TRIOBP: variants seen among roughly 807,000 people sequenced by gnomAD.
TRIOBP encodes TRIO and F-actin-binding protein.
A neutral mutation model predicts 238.8 loss-of-function variants in TRIOBP; 169 were observed. The observed-to-expected ratio is 0.71, with a 90% CI of 0.62 to 0.80. The LOEUF (loss-of-function observed/expected upper bound fraction) is 0.80. Among genes scored for constraint, TRIOBP ranks in the 30% least tolerant of loss-of-function variants. TRIOBP has a pLI of 0.00. For synonymous variants in TRIOBP, 1,150 were observed against 1,274.4 expected (o/e 0.90, Z 2.08); for missense variants, 2,838 against 3,122.6 (o/e 0.91, Z 2.17).
At position 37,774,006 on chromosome 22, in the gene TRIOBP, T is replaced by A. The variant is rs888238520; in HGVS notation, c.*226T>A. 1 of 46,136 alleles carries A rather than the reference T, an allele frequency of 2.2e-5. No individual in the cohort carries two copies. Among genetic ancestry groups the A allele is most frequent in the Non-Finnish European group, 5.6e-5 (1 of 17,964 alleles). The allele number at this position is 46,136 out of a possible 1,614,324, so 2.9% of individuals were successfully genotyped here. A position where few individuals can be genotyped will look rare whatever the true frequency, so the allele number is the denominator to read the frequency against. ...CGGATACACACACACACACACACAC[T>A]GCATATCTGAGCGCGCCCCTCGCAC... On this transcript the variant is annotated 3_prime_UTR_variant, in exon 24 of 24. Coordinates refer to ENST00000644935, the MANE Select transcript of TRIOBP (RefSeq NM_001039141.3).
chr22:37,739,739 G>A (rs764717632), intron 10 of TRIOBP, among the ~76,000 whole-genome samples: 6 of 152,316 alleles, frequency 3.9e-5, no homozygotes, highest in East Asian at 1.9e-4. Flanking sequence ...GACACTGGTC[G>A]CTAAAGGCGC....
At chr22:37,755,074 G>C in intron 13 of TRIOBP, 27 bp from the exon 14 acceptor site, 1 of 1,611,444 alleles carries the variant, frequency 6.2e-7, no homozygotes, top group Non-Finnish European at 8.5e-7. Flanking sequence ...GGGCCCACAC[G>C]GACCATAGTG....
chr22:37,754,395 C>T (rs1601655914), intron 12 of TRIOBP, among the ~76,000 whole-genome samples: 1 of 106,956 alleles, frequency 9.3e-6, no homozygotes, highest in African/African-American at 3.7e-5. Context: ...GCCTGGGCAA[C>T]AAGAGCAAAA....
At chr22:37,704,256 G>A (rs1478911297) in intron 3 of TRIOBP, among the ~76,000 whole-genome samples, 4 of 152,114 alleles carry the variant, frequency 2.6e-5, no homozygotes, top group Non-Finnish European at 4.4e-5. Context: ...AGTGGGATGC[G>A]GCTATAGTCT....
At chr22:37,723,136 G>A in intron 6 of TRIOBP, 49 bp from the exon 7 acceptor site, 5 of 1,597,456 alleles carry the variant, frequency 3.1e-6, no homozygotes, top group Non-Finnish European at 4.3e-6. Flanking sequence ...GAATATGAGA[G>A]CTGCCTGGAC....
intron 17 of TRIOBP, among the ~76,000 whole-genome samples, chr22:37,763,993 G>A (rs779011003): frequency 4.6e-5 from 7 of 152,194 alleles, no homozygotes; most frequent in Admixed American, 1.3e-4. Flanking sequence ...AGGGGAAGTC[G>A]AGTCCTTCTC....
chr22:37,747,179 A>G (rs938044886), intron 11 of TRIOBP, among the ~76,000 whole-genome samples: 7 of 149,404 alleles, frequency 4.7e-5, no homozygotes, highest in African/African-American at 1.7e-4. Flanking sequence ...TCCCCACTTC[A>G]CAGCCAGATA....
intron 4 of TRIOBP, 118 bp downstream of exon 4, chr22:37,710,684 G>A (rs778205404): frequency 1.1e-4 from 161 of 1,403,912 alleles, no homozygotes; most frequent in East Asian, 6.3e-4. Context: ...CATGGGTCAC[G>A]TGGTCAGTCC....
At chr22:37,728,628 C>T (rs975681346) in intron 7 of TRIOBP, among the ~76,000 whole-genome samples, 1 of 152,150 alleles carries the variant, frequency 6.6e-6, no homozygotes, top group Non-Finnish European at 1.5e-5. Context: ...GTGTTCCATG[C>T]ACAGCCTCTC....
At chr22:37,754,787 C>G (rs1164350821) in intron 12 of TRIOBP, 90 bp from the exon 13 acceptor site, 2 of 1,344,858 alleles carry the variant, frequency 1.5e-6, no homozygotes, top group African/African-American at 1.4e-5. Flanking sequence ...CCTCCCCACC[C>G]CTCCTGTGTG....
chr22:37,732,719 A>G (rs562359581), intron 7 of TRIOBP, among the ~76,000 whole-genome samples: 2 of 152,342 alleles, frequency 1.3e-5, no homozygotes, highest in African/African-American at 4.8e-5. Context: ...AATTTACAAT[A>G]TGGACAGGAA....
chr22:37,701,663 A>G (rs565306968), intron 3 of TRIOBP, among the ~76,000 whole-genome samples, 184 bp downstream of exon 3: 30 of 152,294 alleles, frequency 2.0e-4, no homozygotes, highest in African/African-American at 7.2e-4. Flanking sequence ...ATCTTCAGTC[A>G]CTTTCCTCCT....
rs765867142 is a variant in TRIOBP, at chr22:37,726,423, C to T, written c.3867C>T (p.Pro1289=). The T allele has an allele frequency of 2.9e-5, 46 of 1,587,662 alleles. No homozygotes were observed. Among genetic ancestry groups the T allele is most frequent in the Admixed American group, 2.3e-4 (13 of 56,222 alleles). ...GGCTGGCCCAGAGACAGCCAGGGCC[C>T]CAGGCGCAGTGCAGCAGCGGGGGCC... ...PRRLAQRQPG[P]QAQCSSGGRT... The change falls in exon 7 of 24, where the codon CCC becomes CCT. Residue 1289 remains proline, a synonymous_variant. Coordinates refer to ENST00000644935, the MANE Select transcript of TRIOBP (RefSeq NM_001039141.3).
At chr22:37,714,848 A>T (rs1222836784) in intron 5 of TRIOBP, among the ~76,000 whole-genome samples, 2 of 151,382 alleles carry the variant, frequency 1.3e-5, no homozygotes, top group Non-Finnish European at 2.9e-5. Flanking sequence ...AGTTATTATT[A>T]TTTTTTTTAA....
intron 12 of TRIOBP, among the ~76,000 whole-genome samples, chr22:37,752,928 C>A (rs1206358542): frequency 6.6e-6 from 1 of 152,252 alleles, no homozygotes; most frequent in Non-Finnish European, 1.5e-5. Context: ...GGCCTAGGAG[C>A]ACCTGGGGCA....
At chr22:37,737,590 G>C (rs1242505429) in intron 9 of TRIOBP, among the ~76,000 whole-genome samples, 1 of 151,434 alleles carries the variant, frequency 6.6e-6, no homozygotes, top group Non-Finnish European at 1.5e-5. Context: ...GAACCCGGGA[G>C]GTGGAAGTTG....
chr22:37,703,019 C>T (rs1244503869), intron 3 of TRIOBP, among the ~76,000 whole-genome samples: 1 of 149,978 alleles, frequency 6.7e-6, no homozygotes, highest in Non-Finnish European at 1.5e-5. Context: ...TCATTTGAGA[C>T]GGAGTCTCTC....
chr22:37,739,983 A>G (rs1254170393), intron 10 of TRIOBP, among the ~76,000 whole-genome samples: 2 of 152,168 alleles, frequency 1.3e-5, no homozygotes, highest in Non-Finnish European at 2.9e-5. Context: ...ATTCTTTCAC[A>G]CACACTTAGT....
chr22:37,765,616 G>A (rs1254708877), intron 17 of TRIOBP, 54 bp from the exon 18 acceptor site: 6 of 1,546,378 alleles, frequency 3.9e-6, no homozygotes, highest in Non-Finnish European at 5.2e-6. Context: ...CTGGGGAAGG[G>A]CCGCTGTCCA....
Sources: allele counts gnomAD v4.1 joint callset (sites outside exome capture counted in the v4.1 genomes callset), GRCh38; gene constraint gnomAD v4.1.1; transcripts MANE v1.5; gene names NCBI Gene and HGNC (gene_info 2026-07-23, HGNC 2026-07-21).